Variants in NHSL2 observed in about 807,000 individuals in gnomAD.
The protein encoded by NHSL2 is NHS like 2.
Under a neutral mutation model 53.4 loss-of-function variants are expected in NHSL2, and 27 were observed. That is an observed-to-expected ratio of 0.51 (90% CI 0.37 to 0.70). The LOEUF (loss-of-function observed/expected upper bound fraction) is 0.70. Among genes scored for constraint, NHSL2 ranks in the 30% least tolerant of loss-of-function variants. The probability of loss-of-function intolerance (pLI) is 0.00; values close to 1 mark genes in which losing one functional copy is unlikely to be tolerated. For synonymous variants in NHSL2, 408 were observed against 404.1 expected (o/e 1.01, Z -0.12); for missense variants, 892 against 980.1 (o/e 0.91, Z 1.20).
intron 1 of NHSL2, among the ~76,000 whole-genome samples, chrX:72,100,873 G>A (rs1025591464): frequency 9.0e-5 from 10 of 111,318 alleles, no homozygotes; most frequent in Non-Finnish European, 5.7e-5. Flanking sequence ...CTGTACAAAT[G>A]GCCCTGGCCT....
intron 1 of NHSL2, among the ~76,000 whole-genome samples, chrX:71,914,228 T>A (rs924596119): frequency 8.9e-6 from 1 of 112,327 alleles, no homozygotes; most frequent in African/African-American, 3.2e-5. Flanking sequence ...TTTTATGGCA[T>A]CTGTGGCCTG....
At position 72,134,519 on chromosome X, in the gene NHSL2, G is replaced by A. The variant is rs774555643; in HGVS notation, c.575G>A (p.Arg192Gln). 4.6e-5 allele frequency: 54 copies of A among 1,164,734 alleles called. No homozygotes were observed. In the South Asian group the frequency reaches 9.5e-4, roughly 21 times the overall value. Reference protein sequence around the residue: ...RLEFILMPTKRQLSEDETTTQ... With the variant: ...RLEFILMPTKQQLSEDETTTQ... ...CTTCTCTCCCAACAGCCTACAAAAC[G>A]GCAGCTGAGCGAGGATGAGACTACC... Residue 192 changes from arginine to glutamine, a missense_variant, in exon 4 of 8, where the codon CGG (arginine) becomes CAG (glutamine). Coordinates refer to ENST00000633930, the MANE Select transcript of NHSL2 (RefSeq NM_001013627.3).
intron 1 of NHSL2, chrX:72,130,609 A>C: frequency 8.3e-7 from 1 of 1,211,707 alleles, no homozygotes; most frequent in Non-Finnish European, 1.1e-6. Flanking sequence ...GGGAACGCGC[A>C]CTTTTCTTTC....
Position 72,149,876 on chromosome X carries a change from C to A in NHSL2, c.*6302C>A, listed in dbSNP as rs1266435520. 1 of 112,175 alleles carries A rather than the reference C, an allele frequency of 8.9e-6. No individual in the cohort carries two copies. The highest frequency in any genetic ancestry group is 9.5e-5 in the Admixed American group (1 of 10,569). The allele number at this position is 112,175 out of a possible 1,213,427, so 9.2% of individuals were successfully genotyped here. A position where few individuals can be genotyped will look rare whatever the true frequency, so the allele number is the denominator to read the frequency against. On this transcript the variant is annotated 3_prime_UTR_variant, in exon 8 of 8. Transcript: ENST00000633930. ...CTCTCTCATTTCACACATGAGGAAG[C>A]TGAGGCCCAGAAAGGTCAAATAACT... is the stretch of plus-strand genomic sequence containing the variant.
At chrX:72,130,230 C>T in intron 1 of NHSL2, 1 of 1,210,184 alleles carries the variant, frequency 8.3e-7, no homozygotes, top group South Asian at 1.8e-5. Context: ...CCTGCTGTGG[C>T]TCTCCTTCTG....
chrX:71,949,607 C>G (rs182907020), intron 1 of NHSL2, among the ~76,000 whole-genome samples: 39 of 111,951 alleles, frequency 3.5e-4, no homozygotes, highest in African/African-American at 1.3e-3. Flanking sequence ...TGAGCTCCCC[C>G]ACCACAGCCC....
chrX:71,924,280 G>A (rs1161339457), intron 1 of NHSL2, among the ~76,000 whole-genome samples: 9 of 111,055 alleles, frequency 8.1e-5, no homozygotes, highest in African/African-American at 3.0e-4. Context: ...CGTGTCTTCC[G>A]GAAAACTCTT....
At chrX:71,923,102 TTC>T (rs1186355984) in intron 1 of NHSL2, among the ~76,000 whole-genome samples, 1 of 111,450 alleles carries the variant, frequency 9.0e-6, no homozygotes, top group Non-Finnish European at 1.9e-5. Context: ...AAGGAGAAGG[TTC>T]TCTTTGTCCT....
chrX:71,920,718 TAGATTA>T (rs946860378), intron 1 of NHSL2, among the ~76,000 whole-genome samples: 2 of 112,007 alleles, frequency 1.8e-5, no homozygotes, highest in Non-Finnish European at 3.8e-5. Context: ...GATGCAGACT[TAGATTA>T]AAGTAAGTGA....
intron 1 of NHSL2, among the ~76,000 whole-genome samples, chrX:72,091,202 C>T (rs2041894390): frequency 8.9e-6 from 1 of 112,318 alleles, no homozygotes; most frequent in Non-Finnish European, 1.9e-5. Context: ...GCCTGTAATC[C>T]CAGCACTTTG....
Position 72,027,122 on chromosome X carries a change from C to CT in NHSL2, c.281-104955dup, listed in dbSNP as rs767003516. Reference sequence around the variant, plus strand: ...GCTCCCTTCCCTACACACCCTGAGACTTCAGCTTTGGTCCCTAATCTGCCA... The same window carrying CT: ...GCTCCCTTCCCTACACACCCTGAGACTTTCAGCTTTGGTCCCTAATCTGCCA... On this transcript the variant is annotated intron_variant, in intron 1 of 7. Coordinates refer to ENST00000633930, the MANE Select transcript of NHSL2 (RefSeq NM_001013627.3). Among the ~76,000 whole-genome samples, 18 of 112,498 alleles carry CT rather than the reference C, an allele frequency of 1.6e-4. No individual in the cohort carries two copies. In the East Asian group the frequency reaches 4.5e-3, roughly 28 times the overall value.
At chrX:72,016,464 A>C (rs950780606) in intron 1 of NHSL2, among the ~76,000 whole-genome samples, 1 of 112,200 alleles carries the variant, frequency 8.9e-6, no homozygotes, top group East Asian at 2.8e-4. Context: ...TCTTTTTCAC[A>C]TGGATTTTAG....
chrX:72,058,066 T>A (rs755361425), intron 1 of NHSL2, among the ~76,000 whole-genome samples: 1 of 112,325 alleles, frequency 8.9e-6, no homozygotes, highest in East Asian at 2.8e-4. Context: ...AAGAGCACTG[T>A]GCAATTGTTT....
At chrX:72,031,993 G>A (rs1217949770) in intron 1 of NHSL2, among the ~76,000 whole-genome samples, 1 of 111,171 alleles carries the variant, frequency 9.0e-6, no homozygotes, top group Admixed American at 9.5e-5. Flanking sequence ...CTCTGTATAT[G>A]AGTGTGTATA....
chrX:72,011,187 G>A (rs762364988), intron 1 of NHSL2, among the ~76,000 whole-genome samples: 6 of 111,835 alleles, frequency 5.4e-5, no homozygotes, highest in South Asian at 3.7e-4. Flanking sequence ...ATCAAAGACC[G>A]TTTATCCATT....
intron 1 of NHSL2, among the ~76,000 whole-genome samples, chrX:72,040,789 A>G (rs746412795): frequency 8.9e-6 from 1 of 112,213 alleles, no homozygotes; most frequent in East Asian, 2.8e-4. Context: ...AAAGTGCTTT[A>G]TAACTCCCTG....
chrX:72,097,653 T>C (rs1602365799), intron 1 of NHSL2, among the ~76,000 whole-genome samples: 1 of 111,996 alleles, frequency 8.9e-6, no homozygotes, highest in African/African-American at 3.2e-5. Flanking sequence ...TGCTTGACAG[T>C]CTGCTGAGAC....
intron 1 of NHSL2, among the ~76,000 whole-genome samples, chrX:71,936,175 AC>A (rs2041737323): frequency 9.0e-6 from 1 of 111,230 alleles, no homozygotes; most frequent in African/African-American, 3.3e-5. Context: ...CTTTGAGTCA[AC>A]CTCTTGACAC....
At chrX:72,065,507 A>G in intron 1 of NHSL2, among the ~76,000 whole-genome samples, 1 of 111,542 alleles carries the variant, frequency 9.0e-6, no homozygotes, top group Non-Finnish European at 1.9e-5. Flanking sequence ...GAGGGCTTTC[A>G]AGGGGTGATG....
Sources: allele counts gnomAD v4.1 joint callset (sites outside exome capture counted in the v4.1 genomes callset), GRCh38; gene constraint gnomAD v4.1.1; transcripts MANE v1.5; gene names NCBI Gene and HGNC (gene_info 2026-07-23, HGNC 2026-07-21).